FSTL5: variants seen among roughly 807,000 people sequenced by gnomAD.
The protein encoded by FSTL5 is follistatin-related protein 5.
FSTL5 carries 62 observed loss-of-function variants against 89.1 expected under a neutral mutation model. That is an observed-to-expected ratio of 0.70 (90% confidence interval 0.57 to 0.86). The LOEUF (loss-of-function observed/expected upper bound fraction) is 0.86, where lower values mean the gene tolerates loss of function less well. Among genes scored for constraint, FSTL5 ranks in the 40% least tolerant of loss-of-function variants. FSTL5 has a pLI of 0.00. For missense variants in FSTL5, 1,057 were observed against 1,001.6 expected (o/e 1.06, Z -0.75); for synonymous variants, 383 against 346.2 (o/e 1.11, Z -1.18).
At chr4:161,784,909 AACAAAC>A (rs1741839278) in intron 4 of FSTL5, among the ~76,000 whole-genome samples, 7 of 133,638 alleles carry the variant, frequency 5.2e-5, no homozygotes, top group Non-Finnish European at 9.9e-5. Flanking sequence ...AACAAAAACA[AACAAAC>A]AAAAAAAAGA....
intron 2 of FSTL5, among the ~76,000 whole-genome samples, chr4:162,071,403 T>C (rs1488527769): frequency 2.0e-5 from 3 of 151,582 alleles, no homozygotes; most frequent in Non-Finnish European, 4.4e-5. Context: ...GACAAAAAGG[T>C]ATTATATAAT....
In FSTL5 at chr4:161,783,703, C is replaced by T. The variant is rs1351929387; in HGVS notation, c.410-7629G>A. ...TCTTTCTTTCTTTCTTTCTTTCTTT[C>T]TTTCTTTCTTTCTTTCTTTCTTCTT... On this transcript the variant is annotated intron_variant, in intron 4 of 15. Transcript: ENST00000306100. 2.4e-4 allele frequency among the ~76,000 whole-genome samples: 6 copies of T among 24,636 alleles called. 1 individual carries two copies. Among genetic ancestry groups the T allele is most frequent in the African/African-American group, 6.4e-4 (5 of 7,784 alleles). 16.2% of individuals were successfully genotyped at this position (24,636 alleles called of 152,430 possible).
At chr4:162,057,873 G>A (rs1185105271) in intron 2 of FSTL5, among the ~76,000 whole-genome samples, 1 of 152,128 alleles carries the variant, frequency 6.6e-6, no homozygotes, top group Non-Finnish European at 1.5e-5. Flanking sequence ...GAATCTGGGA[G>A]ACGGAGGTTG....
intron 5 of FSTL5, among the ~76,000 whole-genome samples, chr4:161,760,116 T>C (rs150995438): frequency 1.5e-4 from 23 of 152,348 alleles, no homozygotes; most frequent in Non-Finnish European, 2.6e-4. Context: ...TTCCAGGAGC[T>C]AGATAGAATT....
At chr4:162,149,249 C>G (rs1424128660) in intron 1 of FSTL5, among the ~76,000 whole-genome samples, 1 of 152,048 alleles carries the variant, frequency 6.6e-6, no homozygotes, top group Admixed American at 6.5e-5. Context: ...TGGCTCACGC[C>G]TGTAATCCCA....
At chr4:161,671,574 G>A (rs1264493896) in intron 6 of FSTL5, among the ~76,000 whole-genome samples, 1 of 151,944 alleles carries the variant, frequency 6.6e-6, no homozygotes, top group African/African-American at 2.4e-5. Context: ...AATATGATCT[G>A]TTTATTTCTG....
Position 161,952,224 on chromosome 4 carries a change from T to C in FSTL5, c.161-31572A>G, listed in dbSNP as rs146750903. Among the ~76,000 whole-genome samples, 1,512 of 152,108 alleles carry C rather than the reference T, an allele frequency of 9.9e-3. 36 individuals carry two copies. The highest frequency in any genetic ancestry group is 0.034 in the African/African-American group (1,417 of 41,544). On this transcript the variant is annotated intron_variant, in intron 3 of 15. Transcript: ENST00000306100. ...TCAGCTGCTCTCTTCTCTCTCTTTT[T>C]GATAGAAAAAACTTTTGACACTTGT...
intron 15 of FSTL5, among the ~76,000 whole-genome samples, chr4:161,431,337 GT>G (rs2126340868): frequency 6.6e-6 from 1 of 152,006 alleles, no homozygotes; most frequent in African/African-American, 2.4e-5. Flanking sequence ...GCTTTTACTA[GT>G]TTTCTCTATG....
At chr4:161,838,783 CTT>C (rs890924415) in intron 4 of FSTL5, among the ~76,000 whole-genome samples, 6 of 151,966 alleles carry the variant, frequency 3.9e-5, no homozygotes, top group Admixed American at 3.3e-4. Flanking sequence ...ATGTAACAAA[CTT>C]ATATCTAAGA....
intron 4 of FSTL5, among the ~76,000 whole-genome samples, chr4:161,798,753 T>A (rs1485039883): frequency 6.6e-6 from 1 of 151,658 alleles, no homozygotes; most frequent in East Asian, 1.9e-4. Context: ...AAAAAAAAAA[T>A]TAACTCTCTT....
intron 2 of FSTL5, among the ~76,000 whole-genome samples, chr4:162,045,554 G>C (rs917533138): frequency 6.6e-6 from 1 of 151,938 alleles, no homozygotes; most frequent in Non-Finnish European, 1.5e-5. Flanking sequence ...CAGATCACTA[G>C]AACAGATATA....
chr4:161,437,667 T>C (rs1732617591), intron 15 of FSTL5, among the ~76,000 whole-genome samples: 1 of 151,596 alleles, frequency 6.6e-6, no homozygotes, highest in Non-Finnish European at 1.5e-5. Context: ...TTTGAAGCAA[T>C]GACTTAATTA....
At chr4:162,150,262 T>C (rs1733175630) in intron 1 of FSTL5, among the ~76,000 whole-genome samples, 1 of 151,946 alleles carries the variant, frequency 6.6e-6, no homozygotes, top group South Asian at 2.1e-4. Flanking sequence ...AGCCACAGAG[T>C]TCTTAATATA....
At chr4:161,480,716 G>A (rs1298060919) in intron 13 of FSTL5, among the ~76,000 whole-genome samples, 3 of 152,156 alleles carry the variant, frequency 2.0e-5, no homozygotes, top group Non-Finnish European at 4.4e-5. Context: ...TGCTCCGACT[G>A]TGCCTTCCTT....
intron 6 of FSTL5, among the ~76,000 whole-genome samples, chr4:161,690,880 C>A (rs188108921): frequency 7.1e-4 from 108 of 152,164 alleles, no homozygotes; most frequent in African/African-American, 2.3e-3. Context: ...TTATCTCCCA[C>A]TGATAAATGA....
At chr4:161,545,795 G>A (rs926247970) in intron 8 of FSTL5, among the ~76,000 whole-genome samples, 1 of 151,936 alleles carries the variant, frequency 6.6e-6, no homozygotes, top group Admixed American at 6.6e-5. Context: ...CTCTCTTAAA[G>A]AACCTATTAT....
intron 7 of FSTL5, among the ~76,000 whole-genome samples, chr4:161,594,770 T>C (rs2126615829): frequency 6.6e-6 from 1 of 152,024 alleles, no homozygotes; most frequent in South Asian, 2.1e-4. Flanking sequence ...AGCATAGACC[T>C]TTTCAATATA....
At chr4:161,618,535 G>T (rs781172476) in intron 7 of FSTL5, among the ~76,000 whole-genome samples, 2 of 150,038 alleles carry the variant, frequency 1.3e-5, no homozygotes, top group African/African-American at 2.5e-5. Context: ...TAGCATGAAG[G>T]GTTGTTGAAT....
At chr4:162,100,299 G>A (rs1371733940) in intron 2 of FSTL5, among the ~76,000 whole-genome samples, 1 of 152,130 alleles carries the variant, frequency 6.6e-6, no homozygotes, top group Admixed American at 6.5e-5. Flanking sequence ...GGTGGCTCAC[G>A]CCTGTAATCC....
Sources: allele counts gnomAD v4.1 joint callset (sites outside exome capture counted in the v4.1 genomes callset), GRCh38; gene constraint gnomAD v4.1.1; transcripts MANE v1.5; gene names NCBI Gene and HGNC (gene_info 2026-07-23, HGNC 2026-07-21).